The following ZFHX3 variants were observed in gnomAD, a reference collection of about 807,000 sequenced individuals.
The protein encoded by ZFHX3 is zinc finger homeobox 3, also known as zinc finger homeobox protein 3.
Under a neutral mutation model 279.1 loss-of-function variants are expected in ZFHX3, and 42 were observed. That is an observed-to-expected ratio of 0.15 (90% CI 0.12 to 0.19). The LOEUF is 0.19. Ranked by LOEUF, ZFHX3 falls within the 10% of genes least tolerant of loss-of-function variation. The probability of loss-of-function intolerance (pLI) is 1.00; values close to 1 mark genes in which losing one functional copy is unlikely to be tolerated. For synonymous variants in ZFHX3, 2,293 were observed against 1,957.8 expected, an observed-to-expected ratio of 1.17 and a Z score of -4.52; for missense variants, 4,981 against 4,754.0, an observed-to-expected ratio of 1.05 and a Z score of -1.40.
intron 4 of ZFHX3, among the ~76,000 whole-genome samples, chr16:72,873,414 C>T (rs906524466): frequency 2.6e-5 from 4 of 152,290 alleles, no homozygotes; most frequent in Middle Eastern, 3.4e-3. Flanking sequence ...GCACGACTTC[C>T]CTTTTCAATG....
At chr16:73,384,702 C>A (rs551318683) in intron 3 of ZFHX3, among the ~76,000 whole-genome samples, 14 of 152,206 alleles carry the variant, frequency 9.2e-5, no homozygotes, top group Non-Finnish European at 1.5e-4. Context: ...AAGGAAGAGA[C>A]TGGAACATTC....
At chr16:73,513,653 G>A (rs951562385) in intron 2 of ZFHX3, among the ~76,000 whole-genome samples, 37 of 152,060 alleles carry the variant, frequency 2.4e-4, no homozygotes, top group Non-Finnish European at 4.7e-4. Flanking sequence ...AGGATAAAAC[G>A]GTCTGAGATA....
chr16:73,021,937 G>A (rs1964314147), intron 1 of ZFHX3, among the ~76,000 whole-genome samples: 1 of 151,858 alleles, frequency 6.6e-6, no homozygotes, highest in African/African-American at 2.4e-5. Context: ...GGAGGCAGAG[G>A]CTGGAGTGAC....
At chr16:73,085,769 G>T (rs1313302214) in intron 8 of ZFHX3, among the ~76,000 whole-genome samples, 1 of 151,958 alleles carries the variant, frequency 6.6e-6, no homozygotes, top group Non-Finnish European at 1.5e-5. Context: ...CATTGGTCTG[G>T]GCAAAAATTT....
chr16:73,666,115 T>C (rs1417412449), intron 2 of ZFHX3, among the ~76,000 whole-genome samples: 1 of 151,874 alleles, frequency 6.6e-6, no homozygotes, highest in African/African-American at 2.4e-5. Context: ...CGCACCCAGC[T>C]GCCTTTTCTT....
chr16:73,524,120 T>C (rs779393483), intron 2 of ZFHX3, among the ~76,000 whole-genome samples: 29 of 152,212 alleles, frequency 1.9e-4, no homozygotes, highest in Non-Finnish European at 3.8e-4. Flanking sequence ...TTAAATAGAG[T>C]AATTTCTCAT....
At chr16:73,560,458 G>C (rs2020352907) in intron 2 of ZFHX3, among the ~76,000 whole-genome samples, 1 of 152,166 alleles carries the variant, frequency 6.6e-6, no homozygotes, top group East Asian at 1.9e-4. Flanking sequence ...ACACGGATTT[G>C]ATGATCGTTT....
At chr16:73,350,462 C>T (rs533766680) in intron 3 of ZFHX3, among the ~76,000 whole-genome samples, 3 of 152,236 alleles carry the variant, frequency 2.0e-5, no homozygotes, top group Non-Finnish European at 2.9e-5. Flanking sequence ...CCCATAATTC[C>T]GGCCATACGT....
At chr16:73,046,090 AG>A (rs1965290748) in intron 1 of ZFHX3, among the ~76,000 whole-genome samples, 1 of 152,134 alleles carries the variant, frequency 6.6e-6, no homozygotes, top group Non-Finnish European at 1.5e-5. Context: ...AGAGAGAAAA[AG>A]TTTCTTTTGG....
chr16:73,109,228 G>A (rs1448595500), intron 7 of ZFHX3, among the ~76,000 whole-genome samples: 1 of 152,232 alleles, frequency 6.6e-6, no homozygotes, highest in Non-Finnish European at 1.5e-5. Context: ...ACGCATGCGT[G>A]TGCATAGGTT....
In ZFHX3 at chr16:73,149,254, TTATAA is replaced by T. The variant is rs561321266; in HGVS notation, c.-1103-5428_-1103-5424del. Among the ~76,000 whole-genome samples, 152 of 141,494 alleles carry T rather than the reference TTATAA, an allele frequency of 1.1e-3. 1 individual carries two copies. The highest frequency in any genetic ancestry group is 1.7e-3 in the Non-Finnish European group (110 of 65,484). 92.8% of individuals were successfully genotyped at this position (141,494 alleles called of 152,430 possible). A position where few individuals can be genotyped will look rare whatever the true frequency, so the allele number is the denominator to read the frequency against. ...TGTCATTACTATATTTTATATTATA[TTATAA>T]TATTATTTTATATTGACATTACATA... is the stretch of plus-strand genomic sequence containing the variant. On this transcript the variant is annotated intron_variant, in intron 5 of 17. Coordinates refer to the ZFHX3 transcript ENST00000641206.
intron 2 of ZFHX3, among the ~76,000 whole-genome samples, chr16:73,515,175 G>A (rs1202748206): frequency 6.6e-6 from 1 of 152,160 alleles, no homozygotes; most frequent in African/African-American, 2.4e-5. Flanking sequence ...GACCTAAATT[G>A]TATTTTTGTG....
rs548250647 is a variant in ZFHX3 at position 73,864,120 on chromosome 16, G to A, written c.-1608+27531C>T. Among the ~76,000 whole-genome samples, 6 of 152,142 alleles carry A rather than the reference G, an allele frequency of 3.9e-5. No homozygotes were observed. In the East Asian group the frequency reaches 1.2e-3, roughly 30 times the overall value. The stretch of plus-strand genomic sequence containing the variant: ...TTATCTACCTGCCTAATAGATTATT[G>A]GCATGTTTACAATCCATTGCCAGAA... On this transcript the variant is annotated intron_variant, in intron 1 of 17. Coordinates refer to the ZFHX3 transcript ENST00000641206.
At position 72,785,701 on chromosome 16, in the gene ZFHX3, C is replaced by G. The variant is rs1881758770; in HGVS notation, c.*1463G>C. On this transcript the variant is annotated 3_prime_UTR_variant, in exon 10 of 10. Transcript: ENST00000268489. ...CAAAAACCAAATCCCTAACCAAAAACTTTTTTTAGAAAAGAAAAGTACACA... is the reference window on the plus strand; with the variant it reads ...CAAAAACCAAATCCCTAACCAAAAAGTTTTTTTAGAAAAGAAAAGTACACA... 1 of 151,216 alleles carries G rather than the reference C, an allele frequency of 6.6e-6. No homozygotes were observed. The highest frequency in any genetic ancestry group is 2.4e-5 in the African/African-American group (1 of 41,118). The allele number at this position is 151,216 out of a possible 1,614,324, so 9.4% of individuals were successfully genotyped here.
chr16:72,883,558 AG>A (rs2038549333), intron 4 of ZFHX3, among the ~76,000 whole-genome samples: 1 of 152,236 alleles, frequency 6.6e-6, no homozygotes, highest in East Asian at 1.9e-4. Flanking sequence ...ACTTACAAAA[AG>A]GAATCAACCT....
chr16:72,871,127 T>C (rs1306035659), intron 4 of ZFHX3, among the ~76,000 whole-genome samples: 1 of 152,224 alleles, frequency 6.6e-6, no homozygotes, highest in African/African-American at 2.4e-5. Flanking sequence ...TTTCTTACTA[T>C]GTAAAGTACA....
At position 73,145,655 on chromosome 16, in the gene ZFHX3, T is replaced by C. The variant is rs937369182; in HGVS notation, c.-1103-1824A>G. 1.3e-5 allele frequency among the ~76,000 whole-genome samples: 2 copies of C among 152,366 alleles called. 1 individual carries two copies. Among genetic ancestry groups the C allele is most frequent in the Middle Eastern group, 6.8e-3 (2 of 294 alleles). ...CTCTTCTGTTTCACATGCAGCTGGA[T>C]TTCCATTCAGTCATGGAGGTGGATT... On this transcript the variant is annotated intron_variant, in intron 5 of 17. Coordinates refer to the ZFHX3 transcript ENST00000641206.
At chr16:73,098,573 G>A (rs930799492) in intron 7 of ZFHX3, among the ~76,000 whole-genome samples, 1 of 152,186 alleles carries the variant, frequency 6.6e-6, no homozygotes, top group African/African-American at 2.4e-5. Context: ...TGTTGGCCAG[G>A]TTGGTCTTGA....
chr16:73,618,673 G>C (rs572830310), intron 2 of ZFHX3, among the ~76,000 whole-genome samples: 1 of 152,310 alleles, frequency 6.6e-6, no homozygotes, highest in African/African-American at 2.4e-5. Context: ...AAAGTCTCCT[G>C]TTGATGGAAA....
Sources: allele counts gnomAD v4.1 joint callset (sites outside exome capture counted in the v4.1 genomes callset), GRCh38; gene constraint gnomAD v4.1.1; transcripts MANE v1.5; gene names NCBI Gene and HGNC (gene_info 2026-07-23, HGNC 2026-07-21).